Variants in CDK15 observed in about 807,000 individuals in gnomAD.
CDK15 encodes the protein cyclin dependent kinase 15.
In CDK15, 62 loss-of-function variants were observed where a neutral mutation model predicts 60.3. That is an observed-to-expected ratio of 1.03 (90% CI 0.84 to 1.27). The LOEUF is 1.27. CDK15 is among the 50% of genes most tolerant of loss of function. CDK15 has a pLI of 0.00. For missense variants in CDK15, 541 were observed against 527.8 expected (o/e 1.03, Z -0.25); for synonymous variants, 194 against 195.7 (o/e 0.99, Z 0.07).
chr2:201,820,788 T>C (rs1248237560), intron 4 of CDK15, among the ~76,000 whole-genome samples: 2 of 152,186 alleles, frequency 1.3e-5, no homozygotes, highest in Admixed American at 1.3e-4. Flanking sequence ...AACAGATGCC[T>C]GAGAAGCTGT....
chr2:201,821,661 G>T (rs1043886343), intron 4 of CDK15, among the ~76,000 whole-genome samples: 5 of 152,064 alleles, frequency 3.3e-5, no homozygotes, highest in Non-Finnish European at 5.9e-5. Flanking sequence ...GGGTTGCCCT[G>T]AGGTGAGCCT....
intron 3 of CDK15, among the ~76,000 whole-genome samples, chr2:201,810,259 G>A (rs1031499649): frequency 2.6e-5 from 4 of 151,822 alleles, no homozygotes; most frequent in Admixed American, 6.6e-5. Flanking sequence ...TGGGCAAATC[G>A]GCAAATCACA....
chr2:201,885,378 T>C (rs147207121), intron 12 of CDK15, among the ~76,000 whole-genome samples: 1 of 152,172 alleles, frequency 6.6e-6, no homozygotes, highest in African/African-American at 2.4e-5. Flanking sequence ...GGAGGGAAGA[T>C]TCTCAGCCAT....
Position 201,847,409 on chromosome 2 carries a change from T to G in CDK15, c.880T>G (p.Phe294Val), listed in dbSNP as rs2105774855. ...WGAGCIFIEM[F>V]QGQPLFPGVS... ...TGCAGGCTGCATCTTTATTGAAATG[T>G]TCCAGGGTCAACCTTTGTTTCCTGG... Residue 294 changes from phenylalanine to valine, a missense_variant, in exon 9 of 14, where the codon TTC (phenylalanine) becomes GTC (valine). By Grantham distance (50) the Phe-to-Val change is conservative (BLOSUM62 -1). Coordinates refer to ENST00000652192, the MANE Select transcript of CDK15 (RefSeq NM_001366386.2). 6.2e-7 allele frequency: 1 copy of G among 1,614,142 alleles called. No individual in the cohort carries two copies. The highest frequency in any genetic ancestry group is 1.1e-5 in the South Asian group (1 of 91,066).
At chr2:201,863,351 A>G (rs547750637) in intron 10 of CDK15, among the ~76,000 whole-genome samples, 105 of 152,188 alleles carry the variant, frequency 6.9e-4, no homozygotes, top group African/African-American at 2.5e-3. Context: ...TTTCTAAAGT[A>G]AAACTCCAAG....
intron 11 of CDK15, among the ~76,000 whole-genome samples, chr2:201,879,329 C>G (rs1202003842): frequency 3.9e-5 from 6 of 152,172 alleles, no homozygotes; most frequent in Admixed American, 3.3e-4. Flanking sequence ...GTGCTTTTCC[C>G]CCTCCAGATT....
intron 6 of CDK15, among the ~76,000 whole-genome samples, 167 bp from the exon 7 acceptor site, chr2:201,833,681 C>T (rs560276843): frequency 6.7e-6 from 1 of 149,250 alleles, no homozygotes; most frequent in African/African-American, 2.4e-5. Flanking sequence ...CCTTTTTCTT[C>T]CCCCTCTGAA....
At chr2:201,891,961 T>A (rs1699652112) in intron 13 of CDK15, among the ~76,000 whole-genome samples, 1 of 152,184 alleles carries the variant, frequency 6.6e-6, no homozygotes, top group African/African-American at 2.4e-5. Context: ...CCCAACAATA[T>A]CACTCACATG....
intron 10 of CDK15, chr2:201,861,548 TTTG>T (rs1280056684): frequency 2.1e-6 from 2 of 968,428 alleles, no homozygotes; most frequent in South Asian, 4.8e-5. Context: ...TTTTTGTTGG[TTTG>T]TTTTTTTTTT....
At chr2:201,840,304 T>A (rs1697321108) in intron 8 of CDK15, among the ~76,000 whole-genome samples, 1 of 152,190 alleles carries the variant, frequency 6.6e-6, no homozygotes, top group African/African-American at 2.4e-5. Flanking sequence ...TGTTCAAAAA[T>A]TCAAGGTTGC....
intron 10 of CDK15, among the ~76,000 whole-genome samples, chr2:201,871,269 C>T (rs773855368): frequency 2.0e-5 from 3 of 152,098 alleles, no homozygotes; most frequent in Non-Finnish European, 4.4e-5. Context: ...AGGTGATCCT[C>T]CCAGTTCACC....
intron 12 of CDK15, among the ~76,000 whole-genome samples, chr2:201,881,551 A>T (rs1699278338): frequency 6.6e-6 from 1 of 152,184 alleles, no homozygotes; most frequent in South Asian, 2.1e-4. Flanking sequence ...TCTGTGCATA[A>T]TCAACTGCAG....
chr2:201,856,353 G>C (rs1247663226), intron 10 of CDK15, among the ~76,000 whole-genome samples: 1 of 152,170 alleles, frequency 6.6e-6, no homozygotes, highest in Non-Finnish European at 1.5e-5. Context: ...GCAAGCTAAA[G>C]ACTAACTGTA....
chr2:201,813,038 C>G (rs891970136), intron 4 of CDK15, among the ~76,000 whole-genome samples: 2 of 152,146 alleles, frequency 1.3e-5, no homozygotes, highest in Non-Finnish European at 2.9e-5. Context: ...GGGTGAGGAA[C>G]CTGGTGTCAA....
At position 201,894,440 on chromosome 2, in the gene CDK15, A is replaced by T. The variant is rs1699723019; in HGVS notation, c.*1173A>T. 6.6e-6 allele frequency: 1 copy of T among 152,216 alleles called. No individual in the cohort carries two copies. The allele number at this position is 152,216 out of a possible 1,614,324, so 9.4% of individuals were successfully genotyped here. On this transcript the variant is annotated 3_prime_UTR_variant, in exon 14 of 14. Transcript: ENST00000652192. ...ACAAAGACTGTCCAGCTATACCTGA[A>T]AGATGAAACAGTGTAGGCTGGGTGA...
At position 201,815,014 on chromosome 2, in the gene CDK15, C is replaced by T. The variant is rs541279777; in HGVS notation, c.448+2452C>T. Among the ~76,000 whole-genome samples, 174 of 148,536 alleles carry T rather than the reference C, an allele frequency of 1.2e-3. 1 individual carries two copies. The highest frequency in any genetic ancestry group is 4.2e-3 in the African/African-American group (169 of 40,110). On this transcript the variant is annotated intron_variant, in intron 4 of 13. Transcript: ENST00000652192. ...TTGCCCAGGCTGGAGTGCAATGGCACAATCTTGGCTTACTGCAACCTCTGC... is the reference window on the plus strand; with the variant it reads ...TTGCCCAGGCTGGAGTGCAATGGCATAATCTTGGCTTACTGCAACCTCTGC...
intron 12 of CDK15, chr2:201,888,525 A>G: frequency 5.3e-6 from 8 of 1,521,788 alleles, no homozygotes; most frequent in Non-Finnish European, 7.0e-6. Flanking sequence ...CCAGAGTGGA[A>G]GGTTTTGCAT....
chr2:201,824,134 A>C (rs1040482749), intron 6 of CDK15, among the ~76,000 whole-genome samples: 1 of 152,210 alleles, frequency 6.6e-6, no homozygotes, highest in Non-Finnish European at 1.5e-5. Flanking sequence ...GTACTAGCAG[A>C]TCCTATTATA....
intron 9 of CDK15, among the ~76,000 whole-genome samples, chr2:201,851,892 C>G (rs1697927504): frequency 6.6e-6 from 1 of 152,192 alleles, no homozygotes; most frequent in Non-Finnish European, 1.5e-5. Context: ...CTCTCGACTT[C>G]TGGTGATCCA....
Sources: gnomAD v4.1 joint callset for allele counts (sites outside exome capture counted in the v4.1 genomes callset) on GRCh38, gnomAD v4.1.1 for gene constraint, MANE v1.5 for transcripts, NCBI Gene and HGNC (gene_info 2026-07-23, HGNC 2026-07-21) for gene names.